The following ANKH variants were observed in gnomAD, a reference collection of about 807,000 sequenced individuals.
ANKH encodes mineralization regulator ANKH.
A neutral mutation model predicts 49.0 loss-of-function variants in ANKH; 15 were observed. The ratio of observed to expected loss-of-function variants is 0.31; its 90% confidence interval spans 0.20 to 0.47. ANKH has a LOEUF of 0.47. ANKH is among the 20% of genes least tolerant of loss of function. ANKH has a pLI of 1.00. For missense variants in ANKH, 429 were observed against 652.0 expected (o/e 0.66, Z 3.72); for synonymous variants, 273 against 260.0 (o/e 1.05, Z -0.48).
chr5:14,846,960 A>G (rs1273551053), intron 1 of ANKH, among the ~76,000 whole-genome samples: 1 of 147,886 alleles, frequency 6.8e-6, no homozygotes, highest in Non-Finnish European at 1.5e-5. Flanking sequence ...GTGAGCCAAG[A>G]TCATGCCACT....
chr5:14,716,835 G>A lies in ANKH; in HGVS notation c.1012C>T (p.Leu338Phe). Residue 338 changes from leucine to phenylalanine, a missense_variant and splice_region_variant, in exon 9 of 12, where the codon CTC becomes TTC. Coordinates refer to ENST00000284268, the MANE Select transcript of ANKH (RefSeq NM_054027.6). ...TFVCMALSLT[L>F]CFVMFWTPNV... ...GGTGTCCAAAACATCACGAAACAGA[G>A]CTGGGGAGAAAGACATCAAACAGGG... 6.2e-7 allele frequency: 1 copy of A among 1,613,930 alleles called. No homozygotes were observed. Among genetic ancestry groups the A allele is most frequent in the Non-Finnish European group, 8.5e-7 (1 of 1,179,824 alleles).
intron 1 of ANKH, among the ~76,000 whole-genome samples, chr5:14,811,557 G>A (rs1344447892): frequency 1.3e-5 from 2 of 152,194 alleles, no homozygotes; most frequent in Non-Finnish European, 2.9e-5. Context: ...CTGTCCCCAA[G>A]TACAAACAAC....
At chr5:14,717,366 G>A (rs1353245449) in intron 8 of ANKH, among the ~76,000 whole-genome samples, 1 of 152,214 alleles carries the variant, frequency 6.6e-6, no homozygotes, top group Admixed American at 6.5e-5. Context: ...AATAAAAGAT[G>A]AGACAGCAAC....
At chr5:14,767,053 C>T (rs1304100325) in intron 2 of ANKH, among the ~76,000 whole-genome samples, 2 of 152,092 alleles carry the variant, frequency 1.3e-5, no homozygotes, top group South Asian at 2.1e-4. Context: ...TAGAGACTGC[C>T]ATTGGAAGGG....
At chr5:14,771,937 A>AAAAAAAAAAAAAC (rs1561048114) in intron 1 of ANKH, among the ~76,000 whole-genome samples, 11 of 140,430 alleles carry the variant, frequency 7.8e-5, no homozygotes, top group African/African-American at 2.4e-4. Flanking sequence ...AAAAAAAAAA[A>AAAAAAAAAAAAAC]AAAAAAAAAA....
At chr5:14,786,901 C>A (rs144923378) in intron 1 of ANKH, among the ~76,000 whole-genome samples, 389 of 152,310 alleles carry the variant, frequency 2.6e-3, no homozygotes, top group African/African-American at 9.1e-3. Flanking sequence ...TGACACACAG[C>A]TGATAATAAT....
intron 1 of ANKH, among the ~76,000 whole-genome samples, chr5:14,782,554 G>C (rs1739840823): frequency 6.6e-6 from 1 of 152,168 alleles, no homozygotes; most frequent in Admixed American, 6.5e-5. Flanking sequence ...TTTAAACAGA[G>C]AGGACTAGCT....
At chr5:14,824,772 T>C (rs111574671) in intron 1 of ANKH, among the ~76,000 whole-genome samples, 1 of 152,162 alleles carries the variant, frequency 6.6e-6, no homozygotes, top group African/African-American at 2.4e-5. Context: ...GCCTGGCCCC[T>C]GACTTCTGCT....
At chr5:14,809,349 A>AAG (rs1740807186) in intron 1 of ANKH, among the ~76,000 whole-genome samples, 1 of 147,060 alleles carries the variant, frequency 6.8e-6, no homozygotes, top group Non-Finnish European at 1.5e-5. Context: ...AAAAAAAAAA[A>AAG]AAAAAAAAGA....
chr5:14,767,510 C>T (rs979924816), intron 2 of ANKH, among the ~76,000 whole-genome samples: 6 of 152,176 alleles, frequency 3.9e-5, no homozygotes, highest in Middle Eastern at 6.8e-3. Flanking sequence ...TTTTATAATT[C>T]TATTTTAAAA....
At position 14,848,925 on chromosome 5, in the gene ANKH, A is replaced by G. The variant is rs573132959; in HGVS notation, c.96+22427T>C. Among the ~76,000 whole-genome samples, 499 of 152,332 alleles carry G rather than the reference A, an allele frequency of 3.3e-3. 5 individuals are homozygous for G. Among genetic ancestry groups the G allele is most frequent in the African/African-American group, 0.012 (479 of 41,578 alleles). On this transcript the variant is annotated intron_variant, in intron 1 of 11. Transcript: ENST00000284268. Reference sequence around the variant, plus strand: ...TAAAACAACATTGTTTTATAAACTAAAACCCTGTCCCCCTTCTCCCTCCAG... The same window carrying G: ...TAAAACAACATTGTTTTATAAACTAGAACCCTGTCCCCCTTCTCCCTCCAG...
At chr5:14,777,047 C>T (rs997956029) in intron 1 of ANKH, among the ~76,000 whole-genome samples, 7 of 152,110 alleles carry the variant, frequency 4.6e-5, no homozygotes, top group Non-Finnish European at 8.8e-5. Context: ...TTTAGGAGGC[C>T]GAGGCAGGTG....
chr5:14,862,730 T>A (rs1735533025), intron 1 of ANKH, among the ~76,000 whole-genome samples: 1 of 152,212 alleles, frequency 6.6e-6, no homozygotes, highest in African/African-American at 2.4e-5. Context: ...GCTGCTCTGT[T>A]TGCAAAGGTG....
At chr5:14,809,695 G>A (rs1055415834) in intron 1 of ANKH, among the ~76,000 whole-genome samples, 55 of 152,338 alleles carry the variant, frequency 3.6e-4, no homozygotes, top group Non-Finnish European at 5.9e-4. Context: ...AATATGACCT[G>A]AAAATGTTCA....
intron 1 of ANKH, among the ~76,000 whole-genome samples, chr5:14,772,661 C>T (rs192250070): frequency 5.7e-4 from 87 of 152,330 alleles, no homozygotes; most frequent in African/African-American, 1.8e-3. Flanking sequence ...TAGCCTAAGG[C>T]CTCCTCCTAT....
In ANKH at chr5:14,737,234, C is replaced by T. The variant is rs1337069261; in HGVS notation, c.1011+4593G>A. Reference sequence around the variant, plus strand: ...TCACTCTTTTGGGACATTTCTTCCCCACCAAAAGGACTGTTGGAAGATACA... The same window carrying T: ...TCACTCTTTTGGGACATTTCTTCCCTACCAAAAGGACTGTTGGAAGATACA... On this transcript the variant is annotated intron_variant, in intron 8 of 11. Transcript: ENST00000284268. This position sits in a 1 kb window ranked among gnomAD's most constrained non-coding sequence, Gnocchi z 5.0. Among the ~76,000 whole-genome samples, 1 of 152,166 alleles carries T rather than the reference C, an allele frequency of 6.6e-6. No individual in the cohort carries two copies. The highest frequency in any genetic ancestry group is 2.4e-5 in the African/African-American group (1 of 41,452).
Position 14,757,464 on chromosome 5 carries a change from A to G in ANKH, c.432+1016T>C, listed in dbSNP as rs1188543699. 5.1e-3 allele frequency among the ~76,000 whole-genome samples: 236 copies of G among 45,888 alleles called. 1 individual carries two copies. Among genetic ancestry groups the G allele is most frequent in the African/African-American group, 0.018 (233 of 12,632 alleles). 30.1% of individuals were successfully genotyped at this position (45,888 alleles called of 152,430 possible). On this transcript the variant is annotated intron_variant, in intron 3 of 11. Coordinates refer to ENST00000284268, the MANE Select transcript of ANKH (RefSeq NM_054027.6). ...TTTTTTTTTTTGCTAAGTCTTTTTT[A>G]TATTTATAAGACAGCAGAAGAGAAT...
At chr5:14,722,835 T>C (rs1580006905) in intron 8 of ANKH, among the ~76,000 whole-genome samples, 1 of 151,650 alleles carries the variant, frequency 6.6e-6, no homozygotes, top group Non-Finnish European at 1.5e-5. Context: ...AGGAAACCCG[T>C]CCTGACAGCA....
rs1272970444 is a variant in ANKH at position 14,710,361 on chromosome 5, A to G, written c.*836T>C. 6.6e-6 allele frequency: 1 copy of G among 152,276 alleles called. No homozygotes were observed. The highest frequency in any genetic ancestry group is 6.5e-5 in the Admixed American group (1 of 15,288). 9.4% of individuals were successfully genotyped at this position (152,276 alleles called of 1,614,324 possible). On this transcript the variant is annotated 3_prime_UTR_variant, in exon 12 of 12. Transcript: ENST00000284268. Reference sequence around the variant, plus strand: ...AAAGGCGAGGGAAAAGCAAGCCTTCAGGAAAAGTCATGCGGCAGGGTCTGG... The same window carrying G: ...AAAGGCGAGGGAAAAGCAAGCCTTCGGGAAAAGTCATGCGGCAGGGTCTGG...
Sources: gnomAD v4.1 joint callset for allele counts (sites outside exome capture counted in the v4.1 genomes callset) on GRCh38, gnomAD v4.1.1 for gene constraint, Gnocchi (gnomAD v3.1) non-coding constraint, MANE v1.5 for transcripts, NCBI Gene and HGNC (gene_info 2026-07-23, HGNC 2026-07-21) for gene names.